GNL3L: variants seen among roughly 807,000 people sequenced by gnomAD.
GNL3L encodes G protein nucleolar 3 like.
A neutral mutation model predicts 42.9 loss-of-function variants in GNL3L; 4 were observed. The ratio of observed to expected loss-of-function variants is 0.09; its 90% confidence interval spans 0.05 to 0.21. GNL3L has a LOEUF of 0.21. Ranked by LOEUF, GNL3L falls within the 10% of genes least tolerant of loss-of-function variation. The pLI is 1.00. For synonymous variants in GNL3L, 159 were observed against 176.3 expected (o/e 0.90, Z 0.78); for missense variants, 412 against 481.7 (o/e 0.86, Z 1.36).
intron 13 of GNL3L, 59 bp downstream of exon 13, chrX:54,552,487 A>G: frequency 9.1e-7 from 1 of 1,095,890 alleles, no homozygotes; most frequent in Non-Finnish European, 1.2e-6. Context: ...CACAGACCTG[A>G]CAGCAAATCC....
rs780991562 is a variant in GNL3L at position 54,605,048 on chromosome X, A to G, written c.*46-15797A>G. On this transcript the variant is annotated intron_variant, in intron 16 of 16. Transcript: ENST00000674498. Reference sequence around the variant, plus strand: ...GTTGTATGTTTCTGAGAGGGGACAGAGGAGCCCAGTCCTAAGAAATGTGAC... The same window carrying G: ...GTTGTATGTTTCTGAGAGGGGACAGGGGAGCCCAGTCCTAAGAAATGTGAC... Among the ~76,000 whole-genome samples, 3 of 111,288 alleles carry G rather than the reference A, an allele frequency of 2.7e-5. No individual in the cohort carries two copies. The East Asian group carries it at 8.5e-4, about 32-fold the overall frequency.
intron 16 of GNL3L, among the ~76,000 whole-genome samples, chrX:54,602,673 T>A (rs184353043): frequency 5.2e-4 from 58 of 111,551 alleles, no homozygotes; most frequent in African/African-American, 1.8e-3. Context: ...TTTTCTTGGC[T>A]TGATGAAATA....
At chrX:54,548,201 T>C (rs749747958) in intron 8 of GNL3L, 28 bp from the exon 9 acceptor site, 25 of 1,186,315 alleles carry the variant, frequency 2.1e-5, no homozygotes, top group African/African-American at 3.5e-5. Context: ...CTGATGTCTC[T>C]TCTGTGATAT....
At chrX:54,580,656 C>T (rs997674519) in intron 16 of GNL3L, among the ~76,000 whole-genome samples, 1 of 111,986 alleles carries the variant, frequency 8.9e-6, no homozygotes, top group African/African-American at 3.2e-5. Context: ...TCCTCTCCAG[C>T]ACCTGTTGTT....
At chrX:54,540,544 A>C (rs1217608608) in intron 4 of GNL3L, among the ~76,000 whole-genome samples, 1 of 112,105 alleles carries the variant, frequency 8.9e-6, no homozygotes, top group East Asian at 2.8e-4. Flanking sequence ...TGGAATGCTC[A>C]GCATTTGAGG....
intron 16 of GNL3L, among the ~76,000 whole-genome samples, chrX:54,613,633 G>T (rs746928490): frequency 9.0e-6 from 1 of 111,220 alleles, no homozygotes; most frequent in Admixed American, 9.6e-5. Flanking sequence ...CTTTTCCTAT[G>T]GATGTGGCTT....
At chrX:54,640,854 ATTAG>A in the GNL3L span, among the ~76,000 whole-genome samples, 1 of 112,099 alleles carries the variant, frequency 8.9e-6, no homozygotes, top group Non-Finnish European at 1.9e-5. Context: ...GAAGTTTATT[ATTAG>A]TTCTGACCTT....
rs1924710104 is a variant in GNL3L at position 54,544,309 on chromosome X, C to T, written c.613C>T (p.His205Tyr). Residue 205 changes from histidine to tyrosine, a missense_variant, in exon 8 of 16, where the codon CAT becomes TAT. Coordinates refer to ENST00000360845, the MANE Select transcript of GNL3L (RefSeq NM_001184819.2). ...CGTGGCTTTCAAGGCCAGTACCCAG[C>T]ATCAGGTCAAAAACCTGGTAAGCCT... ...PTVAFKASTQ[H>Y]QVKNLNRCSV... 8.7e-7 allele frequency: 1 copy of T among 1,149,193 alleles called. No individual in the cohort carries two copies. Among genetic ancestry groups the T allele is most frequent in the Non-Finnish European group, 1.2e-6 (1 of 839,755 alleles). The allele number at this position is 1,149,193 out of a possible 1,213,427, so 94.7% of individuals were successfully genotyped here. A position where few individuals can be genotyped will look rare whatever the true frequency, so the allele number is the denominator to read the frequency against.
Position 54,564,681 on chromosome X carries a change from C to T in GNL3L, c.*4079C>T, listed in dbSNP as rs1925372837. Among the ~76,000 whole-genome samples the T allele has an allele frequency of 9.8e-6, 1 of 102,452 alleles. No individual in the cohort carries two copies. Among genetic ancestry groups the T allele is most frequent in the Non-Finnish European group, 2.0e-5 (1 of 50,551 alleles). 89.0% of individuals were successfully genotyped at this position (102,452 alleles called of 115,157 possible). A position where few individuals can be genotyped will look rare whatever the true frequency, so the allele number is the denominator to read the frequency against. On this transcript the variant is annotated 3_prime_UTR_variant, in exon 16 of 16. Transcript: ENST00000360845. ...TCAGCCTCCCAAAGTGCTGGGATTA[C>T]AAGAGTGAGCCACTGCGCCTGGCCT...
At chrX:54,568,623 C>T (rs573696046), downstream of GNL3L, among the ~76,000 whole-genome samples, 69 of 109,374 alleles carry the variant, frequency 6.3e-4, 1 homozygote, top group South Asian at 0.027. Flanking sequence ...GCACGATCTC[C>T]GCTCACTGCA....
intron 2 of GNL3L, 40 bp from the exon 3 acceptor site, chrX:54,539,000 A>C: frequency 1.2e-6 from 1 of 834,991 alleles, no homozygotes. Context: ...TATCGTGTAG[A>C]TGGATGACGG....
At chrX:54,638,951 A>G in the GNL3L span, among the ~76,000 whole-genome samples, 2 of 111,847 alleles carry the variant, frequency 1.8e-5, no homozygotes, top group South Asian at 7.4e-4. Context: ...GGAAGTTGTT[A>G]GAAACACAAG....
intron 16 of GNL3L, among the ~76,000 whole-genome samples, chrX:54,611,222 A>T (rs1340764622): frequency 9.0e-6 from 1 of 111,085 alleles, no homozygotes; most frequent in Non-Finnish European, 1.9e-5. Flanking sequence ...TAGTGAGGTT[A>T]TTTGGGTTTT....
At chrX:54,607,060 CTTTCTTTCTTTCTCTTTCTTTCT>C (rs1926088544) in intron 16 of GNL3L, among the ~76,000 whole-genome samples, 18 of 37,548 alleles carry the variant, frequency 4.8e-4, no homozygotes, top group African/African-American at 2.2e-3. Flanking sequence ...TTCTTTCTTT[CTTTCTTTCTTTCTCTTTCTTTCT>C]TCTTTCTTTC....
intron 16 of GNL3L, among the ~76,000 whole-genome samples, chrX:54,591,437 A>G (rs1262649768): frequency 9.1e-6 from 1 of 109,602 alleles, no homozygotes; most frequent in East Asian, 2.9e-4. Flanking sequence ...TACTAAAAAT[A>G]CAAAAATTAG....
chrX:54,630,701 T>TTCCTTCCTTCCTTCCTTCCTTC, the GNL3L span, among the ~76,000 whole-genome samples: 31 of 20,646 alleles, frequency 1.5e-3, 1 homozygote, highest in African/African-American at 2.3e-3. Flanking sequence ...TTCCTTCCTT[T>TTCCTTCCTTCCTTCCTTCCTTC]CTTTCTTTTT....
chrX:54,603,395 G>A (rs928524512), intron 16 of GNL3L, among the ~76,000 whole-genome samples: 7 of 111,204 alleles, frequency 6.3e-5, no homozygotes, highest in Admixed American at 9.6e-5. Context: ...GTTAATTCAG[G>A]CAGAAACATC....
Position 54,552,420 on chromosome X carries a change from C to T in GNL3L, c.1310C>T (p.Thr437Ile), listed in dbSNP as rs1419109325. 3 of 1,208,602 alleles carry T rather than the reference C, an allele frequency of 2.5e-6. No individual in the cohort carries two copies. The Admixed American group carries it at 6.6e-5, about 26-fold the overall frequency. Reference sequence around the variant, plus strand: ...GATACTGAGCAGGCCAATGAAGACACCATGGAATGTAAGTGTGGGCAGGGT... The same window carrying T: ...GATACTGAGCAGGCCAATGAAGACATCATGGAATGTAAGTGTGGGCAGGGT... Reference protein sequence around the residue: ...IEDTEQANEDTMECLATGESD... With the variant: ...IEDTEQANEDIMECLATGESD... Residue 437 changes from threonine (T) to isoleucine (I), a missense_variant, in exon 13 of 16, where the codon ACC becomes ATC. Physicochemically the swap from Thr to Ile is moderately conservative, Grantham distance 89 (BLOSUM62 -1). Coordinates refer to ENST00000360845, the MANE Select transcript of GNL3L (RefSeq NM_001184819.2).
downstream of GNL3L, among the ~76,000 whole-genome samples, chrX:54,624,915 A>G (rs372596383): frequency 1.8e-5 from 2 of 111,370 alleles, no homozygotes; most frequent in South Asian, 3.7e-4. Context: ...GTTATTTCCA[A>G]TTTTCCCTTA....
Sources: allele counts gnomAD v4.1 joint callset (sites outside exome capture counted in the v4.1 genomes callset), GRCh38; gene constraint gnomAD v4.1.1; transcripts MANE v1.5; gene names NCBI Gene and HGNC (gene_info 2026-07-23, HGNC 2026-07-21).